Variants in ADAMTSL3 observed in about 807,000 individuals in gnomAD.
The protein encoded by ADAMTSL3 is ADAMTS-like protein 3.
A neutral mutation model predicts 201.7 loss-of-function variants in ADAMTSL3; 128 were observed. That is an observed-to-expected ratio of 0.63 (90% CI 0.55 to 0.73). The LOEUF is 0.73. Ranked by LOEUF, ADAMTSL3 falls within the 30% of genes least tolerant of loss-of-function variation. The probability of loss-of-function intolerance (pLI) is 0.00; values close to 1 mark genes in which losing one functional copy is unlikely to be tolerated. For missense variants in ADAMTSL3, 1,990 were observed against 2,119.6 expected (o/e 0.94, Z 1.20); for synonymous variants, 738 against 748.4 (o/e 0.99, Z 0.23).
rs2064311152 is a variant in ADAMTSL3, at chr15:83,838,125, AAGG to A, written c.642_644del (p.Glu214del). 6.2e-7 allele frequency: 1 copy of A among 1,612,616 alleles called. No homozygotes were observed. Among genetic ancestry groups the A allele is most frequent in the Non-Finnish European group, 8.5e-7 (1 of 1,179,490 alleles). On this transcript the variant is annotated inframe_deletion, in exon 7 of 30. Transcript: ENST00000286744. ...CGATCGGCAACTGGGAAGCAATGCC[AAGG>A]AGGACAACTGTGGAGTCTGTGCCGG...
Position 84,024,422 on chromosome 15 carries a change from TA to T in ADAMTSL3, c.4458-814del, listed in dbSNP as rs1029754834. 3.3e-5 allele frequency among the ~76,000 whole-genome samples: 5 copies of T among 152,240 alleles called. 1 individual carries two copies. Among genetic ancestry groups the T allele is most frequent in the African/African-American group, 1.2e-4 (5 of 41,462 alleles). Reference sequence around the variant, plus strand: ...TGTAAATATCTATGATTTCTATTGGTAACAAAATCACAGGTATTATTAATGC... The same window carrying T: ...TGTAAATATCTATGATTTCTATTGGTACAAAATCACAGGTATTATTAATGC... On this transcript the variant is annotated intron_variant, in intron 26 of 29. Transcript: ENST00000286744.
intron 25 of ADAMTSL3, among the ~76,000 whole-genome samples, chr15:84,019,045 T>G (rs2068142730): frequency 7.1e-6 from 1 of 139,948 alleles, no homozygotes; most frequent in Non-Finnish European, 1.5e-5. Context: ...CTCCCACAAG[T>G]TATCAATGAA....
At chr15:83,764,610 T>C (rs148875041) in intron 3 of ADAMTSL3, among the ~76,000 whole-genome samples, 1 of 152,172 alleles carries the variant, frequency 6.6e-6, no homozygotes, top group African/African-American at 2.4e-5. Flanking sequence ...CAGGCAGCCC[T>C]GTATACACAG....
At chr15:83,959,936 T>A (rs1300095612) in intron 19 of ADAMTSL3, among the ~76,000 whole-genome samples, 5 of 152,184 alleles carry the variant, frequency 3.3e-5, no homozygotes, top group Non-Finnish European at 7.4e-5. Context: ...CAAATATGTA[T>A]CATTAAAAAT....
intron 6 of ADAMTSL3, among the ~76,000 whole-genome samples, chr15:83,823,192 G>C (rs975239605): frequency 7.1e-6 from 1 of 140,192 alleles, no homozygotes; most frequent in East Asian, 2.2e-4. Context: ...CGTGGGGAGA[G>C]GGAGAGGGTG....
intron 19 of ADAMTSL3, among the ~76,000 whole-genome samples, chr15:83,957,088 G>A (rs951293420): frequency 4.6e-5 from 7 of 152,196 alleles, no homozygotes; most frequent in African/African-American, 1.4e-4. Context: ...GTCTGCCTGG[G>A]TCACTGGAAA....
chr15:83,801,918 G>A (rs976675865), intron 4 of ADAMTSL3, among the ~76,000 whole-genome samples: 4 of 151,418 alleles, frequency 2.6e-5, no homozygotes, highest in Non-Finnish European at 5.9e-5. Flanking sequence ...GATACATCCT[G>A]ATTATAACTT....
intron 6 of ADAMTSL3, among the ~76,000 whole-genome samples, chr15:83,821,728 G>A (rs1311412946): frequency 5.9e-5 from 9 of 152,174 alleles, no homozygotes; most frequent in Non-Finnish European, 7.3e-5. Flanking sequence ...CGCCGTTGTC[G>A]TCATGGCCCG....
intron 19 of ADAMTSL3, among the ~76,000 whole-genome samples, chr15:83,966,233 A>G (rs540594836): frequency 8.2e-4 from 125 of 152,320 alleles, no homozygotes; most frequent in Middle Eastern, 6.8e-3. Context: ...AAAAATATCA[A>G]TGAATCCCAG....
chr15:83,676,551 G>T (rs751721264), intron 2 of ADAMTSL3, among the ~76,000 whole-genome samples: 2 of 152,108 alleles, frequency 1.3e-5, no homozygotes, highest in South Asian at 2.1e-4. Flanking sequence ...GGTGGTGGGC[G>T]CCTGTAGTCC....
chr15:83,970,349 C>G (rs2067171334), intron 19 of ADAMTSL3, 135 bp from the exon 20 acceptor site: 1 of 944,450 alleles, frequency 1.1e-6, no homozygotes, highest in South Asian at 1.6e-5. Flanking sequence ...GATGTTCAAG[C>G]CTAGGAAATG....
At chr15:83,764,775 T>C (rs929709461) in intron 3 of ADAMTSL3, among the ~76,000 whole-genome samples, 36 of 152,012 alleles carry the variant, frequency 2.4e-4, no homozygotes, top group African/African-American at 8.5e-4. Context: ...AATAGCGTGT[T>C]TTAAAAATGC....
intron 7 of ADAMTSL3, among the ~76,000 whole-genome samples, chr15:83,853,085 C>G (rs1402023700): frequency 6.6e-6 from 1 of 152,120 alleles, no homozygotes; most frequent in Non-Finnish European, 1.5e-5. Flanking sequence ...GAACTCCTGA[C>G]CTCAGGTGAT....
chr15:83,820,924 A>G (rs1026674537), intron 6 of ADAMTSL3, among the ~76,000 whole-genome samples: 1 of 152,100 alleles, frequency 6.6e-6, no homozygotes, highest in African/African-American at 2.4e-5. Flanking sequence ...AAATACAAAA[A>G]TTAACTGGGT....
chr15:83,948,658 C>T (rs957466946), intron 19 of ADAMTSL3, among the ~76,000 whole-genome samples: 4 of 152,086 alleles, frequency 2.6e-5, no homozygotes, highest in Admixed American at 2.6e-4. Flanking sequence ...GAATCATTAT[C>T]CTACAGATTT....
At position 83,655,711 on chromosome 15, in the gene ADAMTSL3, C is replaced by G. The variant is rs558968451; in HGVS notation, c.-33-18C>G. 141 of 1,590,206 alleles carry G rather than the reference C, an allele frequency of 8.9e-5. No individual in the cohort carries two copies. The South Asian group carries it at 1.5e-3, about 17-fold the overall frequency. On this transcript the variant is annotated intron_variant, in intron 1 of 29. Coordinates refer to ENST00000286744, the MANE Select transcript of ADAMTSL3 (RefSeq NM_207517.3). ...GGGGCCAGAGCTGGTTGGTAATGAA[C>G]TCTTTCCTCGTTTGTAGGCTACAAC...
Position 83,804,681 on chromosome 15 carries a change from A to T in ADAMTSL3, c.349A>T (p.Thr117Ser). 6.3e-7 allele frequency: 1 copy of T among 1,583,290 alleles called. No homozygotes were observed. Reference sequence around the variant, plus strand: ...TGAAGGGCAGAACATTCGGTACAAGACATGCAGCAATCATGTAAGTCATAA... The same window carrying T: ...TGAAGGGCAGAACATTCGGTACAAGTCATGCAGCAATCATGTAAGTCATAA... ...NCEGQNIRYK[T>S]CSNHDCPPDA... The change falls in exon 5 of 30, where the codon ACA (threonine) becomes TCA (serine). Residue 117 changes from threonine to serine, a missense_variant. Transcript: ENST00000286744.
chr15:83,969,507 A>G (rs1306183322), intron 19 of ADAMTSL3, among the ~76,000 whole-genome samples: 1 of 152,204 alleles, frequency 6.6e-6, no homozygotes, highest in Non-Finnish European at 1.5e-5. Context: ...TAAAGAAAAT[A>G]TGGTACTGTA....
At chr15:83,674,558 C>G (rs1240975422) in intron 2 of ADAMTSL3, among the ~76,000 whole-genome samples, 1 of 151,260 alleles carries the variant, frequency 6.6e-6, no homozygotes, top group African/African-American at 2.4e-5. Flanking sequence ...CTTTATTATT[C>G]TTTATCAAAA....
Sources: gnomAD v4.1 joint callset for allele counts (sites outside exome capture counted in the v4.1 genomes callset) on GRCh38, gnomAD v4.1.1 for gene constraint, MANE v1.5 for transcripts, NCBI Gene and HGNC (gene_info 2026-07-23, HGNC 2026-07-21) for gene names.